RBPMS2: variants seen among roughly 807,000 people sequenced by gnomAD.
The protein encoded by RBPMS2 is RNA binding protein, mRNA processing factor 2.
Under a neutral mutation model 25.7 loss-of-function variants are expected in RBPMS2, and 14 were observed. The ratio of observed to expected loss-of-function variants is 0.55; its 90% CI spans 0.36 to 0.85. The LOEUF (loss-of-function observed/expected upper bound fraction) is 0.85, where lower values mean the gene tolerates loss of function less well. Ranked by LOEUF, RBPMS2 falls within the 40% of genes least tolerant of loss-of-function variation. The probability of loss-of-function intolerance (pLI) is 0.01; values close to 1 mark genes in which losing one functional copy is unlikely to be tolerated. For synonymous variants in RBPMS2, 127 were observed against 115.6 expected (o/e 1.10, Z -0.63); for missense variants, 252 against 283.4 (o/e 0.89, Z 0.80).
intron 1 of RBPMS2, among the ~76,000 whole-genome samples, chr15:64,774,947 G>A (rs1305155507): frequency 6.6e-6 from 1 of 151,080 alleles, no homozygotes; most frequent in African/African-American, 2.4e-5. Flanking sequence ...TGGAACGGAC[G>A]CGGCGCATCT....
Position 64,741,214 on chromosome 15 carries a change from G to T in RBPMS2, c.596C>A (p.Thr199Asn). The change falls in exon 7 of 8, where the codon ACC (threonine) becomes AAC (asparagine). Residue 199 changes from threonine to asparagine, a missense_variant. Transcript: ENST00000300069. ...QVRWYPSSDT[T>N]QQGWKYRQFC ...CTGACGGTACTTCCATCCTTGCTGG[G>T]TGGTGTCAGAGGAAGGGTACCAGCG... is the stretch of plus-strand genomic sequence containing the variant. 1 of 1,592,502 alleles carries T rather than the reference G, an allele frequency of 6.3e-7. No homozygotes were observed. The highest frequency in any genetic ancestry group is 8.6e-7 in the Non-Finnish European group (1 of 1,169,404).
rs748967917 is a variant in RBPMS2 at position 64,744,798 on chromosome 15, GTTTTTTTTTTTTTTT to G, written c.568-3571_568-3557del. ...TATTTAAGTTTTTTTGGTTTGTTTT[GTTTTTTTTTTTTTTT>G]TTTTTTTTTTTTTTTTTTTGAGACA... On this transcript the variant is annotated intron_variant, in intron 6 of 7. Coordinates refer to ENST00000300069, the MANE Select transcript of RBPMS2 (RefSeq NM_194272.3). Among the ~76,000 whole-genome samples the G allele has an allele frequency of 1.9e-4, 9 of 46,300 alleles. No individual in the cohort carries two copies. In the South Asian group the frequency reaches 5.2e-3, roughly 27 times the overall value. The allele number at this position is 46,300 out of a possible 152,430, so 30.4% of individuals were successfully genotyped here. A position where few individuals can be genotyped will look rare whatever the true frequency, so the allele number is the denominator to read the frequency against.
At chr15:64,757,818 C>A (rs928103393) in intron 1 of RBPMS2, among the ~76,000 whole-genome samples, 1 of 149,106 alleles carries the variant, frequency 6.7e-6, no homozygotes, top group African/African-American at 2.4e-5. Flanking sequence ...TATCCCCCCC[C>A]ACAAAAAATC....
chr15:64,757,792 C>T (rs1480870482), intron 1 of RBPMS2, among the ~76,000 whole-genome samples: 1 of 129,780 alleles, frequency 7.7e-6, no homozygotes. Flanking sequence ...CCAACCTGGG[C>T]AATATAGCAA....
chr15:64,765,413 C>CAAA (rs1255711725), intron 1 of RBPMS2, among the ~76,000 whole-genome samples: 1 of 108,062 alleles, frequency 9.3e-6, no homozygotes, highest in African/African-American at 3.5e-5. Context: ...GACTCCGTCT[C>CAAA]AAAAAAAAAA....
chr15:64,762,653 C>T, intron 1 of RBPMS2: 1 of 413,080 alleles, frequency 2.4e-6, no homozygotes, highest in South Asian at 1.8e-5. Flanking sequence ...GGTGAAGCCC[C>T]AGCCCTGTCA....
intron 1 of RBPMS2, among the ~76,000 whole-genome samples, chr15:64,753,652 T>C (rs1430978668): frequency 6.6e-6 from 1 of 152,134 alleles, no homozygotes; most frequent in Non-Finnish European, 1.5e-5. Context: ...CCAAGCCCAT[T>C]CAGCAGAATC....
chr15:64,740,595 T>G lies in RBPMS2; in HGVS notation c.*413A>C, dbSNP rs1401266371. 6.5e-6 allele frequency: 1 copy of G among 152,880 alleles called. No individual in the cohort carries two copies. Among genetic ancestry groups the G allele is most frequent in the African/African-American group, 2.4e-5 (1 of 41,396 alleles). The allele number at this position is 152,880 out of a possible 1,614,324, so 9.5% of individuals were successfully genotyped here. ...AGGACCTGTCGCTATGGTGACAGTG[T>G]GAGAACAAACTGTACACTCATATAT... is the stretch of plus-strand genomic sequence containing the variant. On this transcript the variant is annotated 3_prime_UTR_variant, in exon 8 of 8. Transcript: ENST00000300069.
chr15:64,751,483 T>C lies in RBPMS2; in HGVS notation c.165+78A>G, dbSNP rs1033189352. 801 of 1,287,362 alleles carry C rather than the reference T, an allele frequency of 6.2e-4. 8 individuals carry two copies. The highest frequency in any genetic ancestry group is 5.5e-4 in the Middle Eastern group (3 of 5,412). The allele number at this position is 1,287,362 out of a possible 1,614,324, so 79.7% of individuals were successfully genotyped here. ...GCCTTCCCGCATCATCCTGCTGCCC[T>C]GCCCGACCCGAGATTCACTCCCGCT... On this transcript the variant is annotated intron_variant, in intron 2 of 7. Transcript: ENST00000300069.
chr15:64,774,447 C>G (rs1280617574), intron 1 of RBPMS2, among the ~76,000 whole-genome samples: 1 of 152,140 alleles, frequency 6.6e-6, no homozygotes, highest in Admixed American at 6.6e-5. Flanking sequence ...CCATTAACCA[C>G]CCAGCTGCTG....
chr15:64,742,120 G>A (rs914502046), intron 6 of RBPMS2, among the ~76,000 whole-genome samples: 2 of 152,104 alleles, frequency 1.3e-5, no homozygotes. Context: ...AGTTGAGATC[G>A]CGCCATTGCA....
At chr15:64,747,110 TGTG>T (rs2083624020) in intron 6 of RBPMS2, among the ~76,000 whole-genome samples, 1 of 152,196 alleles carries the variant, frequency 6.6e-6, no homozygotes, top group African/African-American at 2.4e-5. Flanking sequence ...TCAAGCTATT[TGTG>T]GTGCTCAGCT....
At chr15:64,755,150 T>C (rs1333648911) in intron 1 of RBPMS2, among the ~76,000 whole-genome samples, 1 of 152,088 alleles carries the variant, frequency 6.6e-6, no homozygotes, top group Non-Finnish European at 1.5e-5. Flanking sequence ...GGGGTGAGTG[T>C]AGGGGCTGTT....
chr15:64,773,093 C>T (rs1232148469), intron 1 of RBPMS2, among the ~76,000 whole-genome samples: 1 of 152,210 alleles, frequency 6.6e-6, no homozygotes, highest in Admixed American at 6.5e-5. Flanking sequence ...CTTGCTCTCG[C>T]TAGTCTCCAA....
rs752128818 is a variant in RBPMS2, at chr15:64,748,381, C to T, written c.567+38G>A. 5 of 1,604,048 alleles carry T rather than the reference C, an allele frequency of 3.1e-6. No homozygotes were observed. The South Asian group carries it at 5.5e-5, about 18-fold the overall frequency. ...CATGCAAAGTCTGGCCAGCTAAGAG[C>T]CCTTGTTCTTCGCCCTCCCCAACCT... On this transcript the variant is annotated intron_variant, in intron 6 of 7. Transcript: ENST00000300069.
chr15:64,746,721 CCT>C (rs1385620669), intron 6 of RBPMS2, among the ~76,000 whole-genome samples: 2 of 152,196 alleles, frequency 1.3e-5, no homozygotes, highest in Admixed American at 6.5e-5. Flanking sequence ...ACTCATTGTC[CCT>C]GGCTCCCAAC....
intron 2 of RBPMS2, among the ~76,000 whole-genome samples, chr15:64,751,012 C>A (rs942681239): frequency 2.7e-5 from 4 of 149,992 alleles, no homozygotes; most frequent in African/African-American, 9.8e-5. Flanking sequence ...CCAGCCTGGG[C>A]AACTGAGTGA....
chr15:64,744,884 G>A (rs1178622113), intron 6 of RBPMS2, among the ~76,000 whole-genome samples: 9 of 118,184 alleles, frequency 7.6e-5, no homozygotes, highest in Non-Finnish European at 1.3e-4. Flanking sequence ...GCGCGATCTT[G>A]GCTCACTGCA....
At chr15:64,769,211 C>A (rs147289950) in intron 1 of RBPMS2, among the ~76,000 whole-genome samples, 6,232 of 150,712 alleles carry the variant, frequency 0.041, 243 homozygotes, top group Admixed American at 0.13. Flanking sequence ...ATCTGCAATC[C>A]CAGCACTTTG....
Sources: gnomAD v4.1 joint callset for allele counts (sites outside exome capture counted in the v4.1 genomes callset) on GRCh38, gnomAD v4.1.1 for gene constraint, MANE v1.5 for transcripts, NCBI Gene and HGNC (gene_info 2026-07-23, HGNC 2026-07-21) for gene names.